The following SLC5A10 variants were observed in gnomAD, a reference collection of about 807,000 sequenced individuals.
SLC5A10 encodes the protein sodium/mannose cotransporter SLC5A10.
A neutral mutation model predicts 68.9 loss-of-function variants in SLC5A10; 55 were observed. That is an observed-to-expected ratio of 0.80 (90% CI 0.64 to 1.00). The LOEUF is 1.00. SLC5A10 is among the 50% of genes least tolerant of loss of function. The pLI is 0.00. For missense variants in SLC5A10, 732 were observed against 819.3 expected, an observed-to-expected ratio of 0.89 and a Z score of 1.30; for synonymous variants, 344 against 344.8, an observed-to-expected ratio of 1.00 and a Z score of 0.02.
intron 9 of SLC5A10, chr17:18,978,351 G>T (rs746244233): frequency 3.7e-6 from 6 of 1,600,390 alleles, no homozygotes; most frequent in East Asian, 2.2e-5. Context: ...CTGGGCTGGG[G>T]GTTCCAGATG....
At chr17:18,985,845 C>A (rs1270531250) in intron 9 of SLC5A10, among the ~76,000 whole-genome samples, 1 of 152,222 alleles carries the variant, frequency 6.6e-6, no homozygotes, top group Non-Finnish European at 1.5e-5. Flanking sequence ...CTGGTCACAG[C>A]CAGTGGAAGG....
intron 3 of SLC5A10, 36 bp downstream of exon 3, chr17:18,959,275 C>T (rs1236927749): frequency 6.3e-7 from 1 of 1,598,108 alleles, no homozygotes; most frequent in Non-Finnish European, 8.6e-7. Flanking sequence ...GTGGGAGGGC[C>T]AGGGCACAGG....
chr17:19,014,979 C>A, intron 10 of SLC5A10, 70 bp from the exon 11 acceptor site: 1 of 1,553,096 alleles, frequency 6.4e-7, no homozygotes, highest in South Asian at 1.2e-5. Context: ...GGCATTAGAG[C>A]CCAGGCGGGA....
At chr17:18,970,216 G>A (rs2152000625) in intron 7 of SLC5A10, 1 of 152,430 alleles carries the variant, frequency 6.6e-6, no homozygotes, top group East Asian at 1.9e-4. Flanking sequence ...AAAAGGCTAG[G>A]GAGTAGGGCC....
intron 9 of SLC5A10, chr17:18,978,912 G>T: frequency 6.4e-7 from 1 of 1,573,704 alleles, no homozygotes; most frequent in Non-Finnish European, 8.7e-7. Context: ...CCCAGCCCCC[G>T]TGCACCCATA....
rs764050524 is a variant in SLC5A10, at chr17:18,952,315, G to A, written c.110G>A (p.Trp37Ter). Residue 37 changes from tryptophan to a stop codon, truncating the protein, a stop_gained and splice_region_variant, in exon 1 of 15, where the codon TGG becomes TAG. Transcript: ENST00000395645. LOFTEE classifies it high-confidence loss of function. ...GCTCTGAATGTGGCCGTGGGCATAT[G>A]GGTAAGGGGACCTGTGGTGGTGTTG... ...YFALNVAVGI[W>*]SSCRASRNTV... is the part of the protein sequence containing the mutation. 1.2e-6 allele frequency: 2 copies of A among 1,611,312 alleles called. No homozygotes were observed. The highest frequency in any genetic ancestry group is 2.2e-5 in the East Asian group (1 of 44,732).
intron 9 of SLC5A10, among the ~76,000 whole-genome samples, chr17:19,009,505 G>A (rs1180964819): frequency 2.6e-5 from 4 of 152,188 alleles, no homozygotes; most frequent in African/African-American, 9.7e-5. Flanking sequence ...ACAGATGTAA[G>A]CCACTCTGCC....
chr17:18,984,071 G>T (rs1025187671), intron 9 of SLC5A10, among the ~76,000 whole-genome samples: 1 of 152,178 alleles, frequency 6.6e-6, no homozygotes, highest in Non-Finnish European at 1.5e-5. Flanking sequence ...GGCCGGGCGC[G>T]GTGGCTCACG....
Position 18,958,671 on chromosome 17 carries a change from T to C in SLC5A10, c.112-11T>C. The stretch of plus-strand genomic sequence containing the variant: ...GGGCTTCCAACTCCTGTCCCTTTTC[T>C]CCTCTTGCAGTCCTCTTGTCGGGCC... On this transcript the variant is annotated splice_polypyrimidine_tract_variant and intron_variant, in intron 1 of 14. Coordinates refer to ENST00000395645, the MANE Select transcript of SLC5A10 (RefSeq NM_001042450.4). The C allele has an allele frequency of 6.2e-7, 1 of 1,614,072 alleles. No homozygotes were observed. The highest frequency in any genetic ancestry group is 8.5e-7 in the Non-Finnish European group (1 of 1,179,948).
Position 19,000,314 on chromosome 17 carries a change from A to C in SLC5A10, c.983-13096A>C, listed in dbSNP as rs1015071271. 2.6e-4 allele frequency among the ~76,000 whole-genome samples: 39 copies of C among 152,176 alleles called. No individual in the cohort carries two copies. The highest frequency in any genetic ancestry group is 9.2e-4 in the African/African-American group (38 of 41,438). The stretch of plus-strand genomic sequence containing the variant: ...GGGAGTCTAGGATCACAGGGCAGCA[A>C]GGTGTCAGGGCTGAAGGGGCCCCTA... On this transcript the variant is annotated intron_variant, in intron 9 of 14. Coordinates refer to ENST00000395645, the MANE Select transcript of SLC5A10 (RefSeq NM_001042450.4). This position sits in a 1 kb window ranked among gnomAD's most constrained non-coding sequence, Gnocchi z 5.2.
intron 9 of SLC5A10, among the ~76,000 whole-genome samples, chr17:18,992,597 G>T (rs1298058993): frequency 6.6e-6 from 1 of 152,224 alleles, no homozygotes; most frequent in African/African-American, 2.4e-5. Context: ...CTCAGCCCCA[G>T]CCAGAGCCCC....
At position 18,995,039 on chromosome 17, in the gene SLC5A10, A is replaced by G. The variant is rs1416439984; in HGVS notation, c.982+18050A>G. Among the ~76,000 whole-genome samples, 2 of 152,220 alleles carry G rather than the reference A, an allele frequency of 1.3e-5. 1 individual carries two copies. The highest frequency in any genetic ancestry group is 3.8e-4 in the East Asian group (2 of 5,204). ...AAGTAACCTAACTGCATCCCAGAAC[A>G]AGGCTCCAAAATATTTAAAGGAGAA... On this transcript the variant is annotated intron_variant, in intron 9 of 14. Transcript: ENST00000395645.
rs1428459561 is a variant in SLC5A10 at position 19,020,441 on chromosome 17, C to G, written c.*10C>G. Reference sequence around the variant, plus strand: ...TGCCTACTTCGCCTGACACTGCCATCCTGGACAGAAAGGCAGGAGCTCTGA... The same window carrying G: ...TGCCTACTTCGCCTGACACTGCCATGCTGGACAGAAAGGCAGGAGCTCTGA... On this transcript the variant is annotated 3_prime_UTR_variant, in exon 15 of 15. Coordinates refer to ENST00000395645, the MANE Select transcript of SLC5A10 (RefSeq NM_001042450.4). The G allele has an allele frequency of 1.2e-6, 2 of 1,612,406 alleles. No individual in the cohort carries two copies. The highest frequency in any genetic ancestry group is 1.7e-6 in the Non-Finnish European group (2 of 1,178,828).
rs191412288 is a variant in SLC5A10 at position 18,971,556 on chromosome 17, C to A, written c.846+338C>A. On this transcript the variant is annotated intron_variant, in intron 8 of 14. Transcript: ENST00000395645. The surrounding 1 kb of genome is among the most constrained non-coding windows in gnomAD (Gnocchi z 5.5). ...GCATTTTGGGCCAGTCTTGGGCTGC[C>A]GGGATCCGGAAGCAGGCGGGGTACC... is the stretch of plus-strand genomic sequence containing the variant. The A allele has an allele frequency of 3.4e-4, 542 of 1,613,816 alleles. No individual in the cohort carries two copies. The highest frequency in any genetic ancestry group is 9.9e-4 in the Middle Eastern group (6 of 6,062).
At chr17:19,011,771 A>G (rs1441851650) in intron 9 of SLC5A10, among the ~76,000 whole-genome samples, 1 of 151,544 alleles carries the variant, frequency 6.6e-6, no homozygotes, top group Non-Finnish European at 1.5e-5. Context: ...GGACATGTTC[A>G]AGGGTGCCAG....
At chr17:19,016,051 CTT>C (rs796258265) in intron 11 of SLC5A10, among the ~76,000 whole-genome samples, 8 of 143,812 alleles carry the variant, frequency 5.6e-5, no homozygotes, top group Non-Finnish European at 3.1e-5. Flanking sequence ...TTGTATCATT[CTT>C]TTTTTTTTTT....
At chr17:18,964,226 A>G (rs2042668012) in intron 5 of SLC5A10, among the ~76,000 whole-genome samples, 1 of 152,058 alleles carries the variant, frequency 6.6e-6, no homozygotes, top group East Asian at 1.9e-4. Context: ...GGCTGCCCAC[A>G]TGCCTCGTGG....
intron 9 of SLC5A10, among the ~76,000 whole-genome samples, chr17:19,009,189 G>GTTGT (rs200183264): frequency 9.9e-5 from 15 of 151,504 alleles, no homozygotes; most frequent in African/African-American, 2.0e-4. Flanking sequence ...TGTTGTTGTT[G>GTTGT]TTGTTTGTTT....
At chr17:18,952,816 T>G (rs1454695574) in intron 1 of SLC5A10, among the ~76,000 whole-genome samples, 1 of 152,178 alleles carries the variant, frequency 6.6e-6, no homozygotes, top group African/African-American at 2.4e-5. Flanking sequence ...AGCCGGTTCT[T>G]TCTCCCTTCA....
Sources: gnomAD v4.1 joint callset for allele counts (sites outside exome capture counted in the v4.1 genomes callset) on GRCh38, gnomAD v4.1.1 for gene constraint, Gnocchi (gnomAD v3.1) non-coding constraint, MANE v1.5 for transcripts, NCBI Gene and HGNC (gene_info 2026-07-23, HGNC 2026-07-21) for gene names.